TPH2: variants seen among roughly 807,000 people sequenced by gnomAD.
TPH2 encodes tryptophan 5-hydroxylase 2.
In TPH2, 27 loss-of-function variants were observed where a neutral mutation model predicts 59.1. That is an observed-to-expected ratio of 0.46 (90% CI 0.34 to 0.63). The LOEUF (loss-of-function observed/expected upper bound fraction) is 0.63. TPH2 is among the 30% of genes least tolerant of loss of function. TPH2 has a pLI of 0.01. For missense variants in TPH2, 523 were observed against 588.3 expected, an observed-to-expected ratio of 0.89 and a Z score of 1.15; for synonymous variants, 220 against 210.5, an observed-to-expected ratio of 1.05 and a Z score of -0.39.
chr12:71,944,432 A>G lies in TPH2; in HGVS notation c.394A>G (p.Ile132Val), dbSNP rs1871149411. 1.9e-6 allele frequency: 3 copies of G among 1,614,018 alleles called. No individual in the cohort carries two copies. Among genetic ancestry groups the G allele is most frequent in the South Asian group, 2.2e-5 (2 of 91,088 alleles). The change falls in exon 3 of 11, where the codon ATT becomes GTT. Residue 132 changes from isoleucine to valine, a missense_variant. Transcript: ENST00000333850. ...LIQLLKFQTTIVTLNPPENIW... is the reference protein window; with the variant it reads ...LIQLLKFQTTVVTLNPPENIW... ...TCAGTTGCTGAAATTTCAAACCACT[A>G]TTGTGACGCTGAATCCTCCAGAGAA...
intron 8 of TPH2, among the ~76,000 whole-genome samples, chr12:72,016,425 G>A (rs528886394): frequency 5.4e-4 from 82 of 152,154 alleles, no homozygotes; most frequent in Non-Finnish European, 8.2e-4. Flanking sequence ...TGGAAGCTAC[G>A]TAACTAAGCT....
chr12:72,015,383 G>A (rs58016821), intron 8 of TPH2, among the ~76,000 whole-genome samples: 1 of 145,086 alleles, frequency 6.9e-6, no homozygotes, highest in South Asian at 2.2e-4. Context: ...GCAGTGGTGC[G>A]ATCTTGGTTC....
In TPH2 at chr12:71,979,179, A is replaced by T. The variant is rs41317128; in HGVS notation, c.941+92A>T. ...ATGACTTAGGCCCTGTTTTACCTCCAAACTAATTTCCTTGAGCTAGTGAGA... is the reference window on the plus strand; with the variant it reads ...ATGACTTAGGCCCTGTTTTACCTCCTAACTAATTTCCTTGAGCTAGTGAGA... On this transcript the variant is annotated intron_variant, in intron 7 of 10. Coordinates refer to ENST00000333850, the MANE Select transcript of TPH2 (RefSeq NM_173353.4). The T allele has an allele frequency of 3.5e-3, 5,469 of 1,546,990 alleles. 17 individuals carry two copies. The highest frequency in any genetic ancestry group is 4.5e-3 in the Non-Finnish European group (5,094 of 1,122,358).
At chr12:71,987,228 A>G (rs192562087) in intron 7 of TPH2, among the ~76,000 whole-genome samples, 7 of 152,350 alleles carry the variant, frequency 4.6e-5, no homozygotes, top group Admixed American at 4.6e-4. Flanking sequence ...TAGGAAAACC[A>G]TACTTGAGTT....
rs571520505 is a variant in TPH2 at position 72,029,909 on chromosome 12, A to G, written c.1165-1349A>G. ...AAATTGTTGGAGGAATGCACGAAGA[A>G]TATTGAACAGGAAAGGGTTTTCTGA... On this transcript the variant is annotated intron_variant, in intron 9 of 10. Coordinates refer to ENST00000333850, the MANE Select transcript of TPH2 (RefSeq NM_173353.4). Among the ~76,000 whole-genome samples, 4 of 152,298 alleles carry G rather than the reference A, an allele frequency of 2.6e-5. No individual in the cohort carries two copies. The East Asian group carries it at 7.7e-4, about 29-fold the overall frequency.
chr12:72,011,611 G>T lies in TPH2; in HGVS notation c.1069-10788G>T, dbSNP rs185911459. On this transcript the variant is annotated intron_variant, in intron 8 of 10. Coordinates refer to ENST00000333850, the MANE Select transcript of TPH2 (RefSeq NM_173353.4). ...ATTTTCCCTGGCAAGTCTCCAGTTG[G>T]CTACAACCTTCAAAAGCAGCAAACT... Among the ~76,000 whole-genome samples the T allele has an allele frequency of 1.7e-3, 262 of 152,294 alleles. 1 individual carries two copies. The highest frequency in any genetic ancestry group is 5.2e-3 in the African/African-American group (218 of 41,556).
intron 7 of TPH2, among the ~76,000 whole-genome samples, chr12:71,991,702 A>G (rs1473715538): frequency 6.6e-6 from 1 of 152,080 alleles, no homozygotes; most frequent in African/African-American, 2.4e-5. Flanking sequence ...CATAGGGTCC[A>G]CTCCCGGCTT....
intron 7 of TPH2, among the ~76,000 whole-genome samples, chr12:71,985,768 A>G (rs1048850064): frequency 1.3e-5 from 2 of 152,086 alleles, no homozygotes; most frequent in Admixed American, 6.5e-5. Context: ...GTTTATGGCT[A>G]TTATATAGTT....
intron 8 of TPH2, among the ~76,000 whole-genome samples, chr12:72,008,987 G>A (rs897745869): frequency 1.3e-5 from 2 of 152,036 alleles, no homozygotes; most frequent in African/African-American, 4.8e-5. Context: ...TGCTTATAGT[G>A]TAAAAAATTA....
At chr12:72,009,522 T>TA (rs1873045398) in intron 8 of TPH2, among the ~76,000 whole-genome samples, 2 of 152,234 alleles carry the variant, frequency 1.3e-5, no homozygotes, top group Non-Finnish European at 2.9e-5. Context: ...AGACACAACT[T>TA]ACTATATTTC....
rs968317577 is a variant in TPH2 at position 71,999,978 on chromosome 12, A to G, written c.1068+5413A>G. Among the ~76,000 whole-genome samples the G allele has an allele frequency of 5.3e-5, 8 of 152,356 alleles. No homozygotes were observed. The East Asian group carries it at 1.2e-3, about 22-fold the overall frequency. On this transcript the variant is annotated intron_variant, in intron 8 of 10. Transcript: ENST00000333850. ...AGACAGCTATTACAGTGTTCAGTAG[A>G]GATAAGTATCTTATTGTGGTTGAGA...
At chr12:71,953,042 G>A (rs1437122948) in intron 5 of TPH2, among the ~76,000 whole-genome samples, 2 of 152,106 alleles carry the variant, frequency 1.3e-5, no homozygotes, top group Non-Finnish European at 2.9e-5. Context: ...GGAAGAAACT[G>A]TTTAGTTTCC....
chr12:71,990,456 C>A (rs1872555246), intron 7 of TPH2, among the ~76,000 whole-genome samples: 1 of 152,234 alleles, frequency 6.6e-6, no homozygotes, highest in East Asian at 1.9e-4. Flanking sequence ...CCTGGAACCC[C>A]TCTCTGCCCC....
Position 71,949,636 on chromosome 12 carries a change from G to A in TPH2, c.589G>A (p.Val197Met). 2 of 1,612,982 alleles carry A rather than the reference G, an allele frequency of 1.2e-6. No homozygotes were observed. Among genetic ancestry groups the A allele is most frequent in the South Asian group, 2.2e-5 (2 of 91,054 alleles). The change falls in exon 5 of 11, where the codon GTG (valine) becomes ATG (methionine). Residue 197 changes from valine to methionine, a missense_variant. Physicochemically the swap from Val to Met is conservative, Grantham distance 21. Coordinates refer to ENST00000333850, the MANE Select transcript of TPH2 (RefSeq NM_173353.4). ...YRQRRKYFVDVAMGYKYGQPI... is the reference protein window; with the variant it reads ...YRQRRKYFVDMAMGYKYGQPI... ...ACAGAGAAGAAAGTATTTTGTGGATGTGGCCATGGGTTATAAATAGTAAGT... is the reference window on the plus strand; with the variant it reads ...ACAGAGAAGAAAGTATTTTGTGGATATGGCCATGGGTTATAAATAGTAAGT...
intron 8 of TPH2, among the ~76,000 whole-genome samples, chr12:71,998,440 A>G (rs1490731253): frequency 6.6e-6 from 1 of 152,204 alleles, no homozygotes. Flanking sequence ...TGACTTCAAG[A>G]GCCACATACC....
In TPH2 at chr12:72,032,049, CTG is replaced by C; in HGVS notation, c.*358_*359del. ...TCTTTTTCAGATCTAAGCCTTTCCT[CTG>C]TGTTCATTAGATAAAATGAAAAAAA... On this transcript the variant is annotated 3_prime_UTR_variant, in exon 11 of 11. Transcript: ENST00000333850. 3.4e-6 allele frequency: 1 copy of C among 290,958 alleles called. No homozygotes were observed. The highest frequency in any genetic ancestry group is 6.7e-6 in the Non-Finnish European group (1 of 149,696). The allele number at this position is 290,958 out of a possible 1,614,324, so 18.0% of individuals were successfully genotyped here.
At chr12:71,939,395 C>CA (rs5799057) in intron 1 of TPH2, among the ~76,000 whole-genome samples, 86,889 of 121,562 alleles carry the variant, frequency 0.71, 31,280 homozygotes, top group Non-Finnish European at 0.77. Flanking sequence ...AATCTACAGC[C>CA]AAAAAAAAAA....
At position 71,979,953 on chromosome 12, in the gene TPH2, T is replaced by TACAGACAG. The variant is rs66843208; in HGVS notation, c.941+883_941+890dup. Reference sequence around the variant, plus strand: ...TGAATGGTGAAGACAATGGTTAGCATACAGACAGACAGACAGACAGACAGG... The same window carrying TACAGACAG: ...TGAATGGTGAAGACAATGGTTAGCATACAGACAGACAGACAGACAGACAGACAGACAGG... On this transcript the variant is annotated intron_variant, in intron 7 of 10. Coordinates refer to ENST00000333850, the MANE Select transcript of TPH2 (RefSeq NM_173353.4). Among the ~76,000 whole-genome samples the TACAGACAG allele has an allele frequency of 2.6e-5, 4 of 151,250 alleles. No individual in the cohort carries two copies. In the South Asian group the frequency reaches 6.2e-4, roughly 24 times the overall value.
intron 7 of TPH2, among the ~76,000 whole-genome samples, chr12:71,990,880 ACAGAG>A (rs1394022698): frequency 6.6e-6 from 1 of 152,076 alleles, no homozygotes; most frequent in Non-Finnish European, 1.5e-5. Context: ...TCTACTTATA[ACAGAG>A]CAAAGAGTAT....
Sources: allele counts gnomAD v4.1 joint callset (sites outside exome capture counted in the v4.1 genomes callset), GRCh38; gene constraint gnomAD v4.1.1; transcripts MANE v1.5; gene names NCBI Gene and HGNC (gene_info 2026-07-23, HGNC 2026-07-21).